The following CDKAL1 variants were observed in gnomAD, a reference collection of about 807,000 sequenced individuals.
CDKAL1 encodes the protein threonylcarbamoyladenosine tRNA methylthiotransferase.
A neutral mutation model predicts 68.2 loss-of-function variants in CDKAL1; 32 were observed. The observed-to-expected ratio is 0.47, with a 90% confidence interval of 0.35 to 0.63. The LOEUF is 0.63. Among genes scored for constraint, CDKAL1 ranks in the 30% least tolerant of loss-of-function variants. The pLI is 0.00. For synonymous variants in CDKAL1, 234 were observed against 244.3 expected (o/e 0.96, Z 0.39); for missense variants, 606 against 696.7 (o/e 0.87, Z 1.47).
intron 13 of CDKAL1, among the ~76,000 whole-genome samples, chr6:21,186,344 G>A (rs746297324): frequency 2.6e-5 from 4 of 152,124 alleles, no homozygotes; most frequent in Non-Finnish European, 5.9e-5. Context: ...GGGAATGTAA[G>A]ATTTATCTTA....
chr6:20,831,001 A>G (rs1777694452), intron 8 of CDKAL1, among the ~76,000 whole-genome samples: 2 of 151,968 alleles, frequency 1.3e-5, no homozygotes, highest in African/African-American at 4.8e-5. Context: ...GAAGCCTAAC[A>G]GATTGTCTGC....
chr6:21,095,059 A>G (rs1196612330), intron 12 of CDKAL1, among the ~76,000 whole-genome samples: 1 of 152,178 alleles, frequency 6.6e-6, no homozygotes, highest in Non-Finnish European at 1.5e-5. Context: ...AGTATACGCA[A>G]TAAGTGGATG....
intron 13 of CDKAL1, among the ~76,000 whole-genome samples, chr6:21,185,706 A>G (rs988850301): frequency 1.3e-5 from 2 of 152,174 alleles, no homozygotes; most frequent in African/African-American, 4.8e-5. Context: ...TAGAATTTCA[A>G]TTTGGCTTCA....
intron 4 of CDKAL1, among the ~76,000 whole-genome samples, chr6:20,630,828 ATTTCTG>A (rs1290070911): frequency 6.6e-6 from 1 of 152,028 alleles, no homozygotes; most frequent in South Asian, 2.1e-4. Context: ...ATCTCTTTCT[ATTTCTG>A]TTTCCGCATC....
At chr6:21,082,981 C>A (rs1287899530) in intron 12 of CDKAL1, among the ~76,000 whole-genome samples, 1 of 148,486 alleles carries the variant, frequency 6.7e-6, no homozygotes, top group East Asian at 2.0e-4. Flanking sequence ...TCATACAGTT[C>A]TCCCACCTCA....
chr6:20,884,366 G>A (rs1760966904), intron 9 of CDKAL1, among the ~76,000 whole-genome samples: 1 of 152,104 alleles, frequency 6.6e-6, no homozygotes, highest in African/African-American at 2.4e-5. Flanking sequence ...ACATGTTAAA[G>A]GACATTTCTG....
intron 11 of CDKAL1, among the ~76,000 whole-genome samples, chr6:21,048,531 A>G (rs951067178): frequency 4.6e-5 from 7 of 152,108 alleles, no homozygotes; most frequent in African/African-American, 1.4e-4. Context: ...TCCAATTTGT[A>G]TATATCCCTA....
intron 10 of CDKAL1, among the ~76,000 whole-genome samples, chr6:20,957,881 G>A (rs1299383489): frequency 1.3e-5 from 2 of 148,240 alleles, no homozygotes; most frequent in African/African-American, 5.0e-5. Flanking sequence ...TGAGGCAGGA[G>A]AATCGCTTGA....
intron 4 of CDKAL1, among the ~76,000 whole-genome samples, chr6:20,596,475 G>A (rs371681419): frequency 7.2e-5 from 11 of 152,132 alleles, no homozygotes; most frequent in South Asian, 2.1e-4. Flanking sequence ...GGGGAAAACC[G>A]CCTACTCAAG....
intron 5 of CDKAL1, among the ~76,000 whole-genome samples, chr6:20,735,605 G>T (rs1773156663): frequency 6.6e-6 from 1 of 152,146 alleles, no homozygotes; most frequent in South Asian, 2.1e-4. Flanking sequence ...CATATCAATG[G>T]TATAGTGTGT....
chr6:20,867,187 ATC>A (rs1383459504), intron 9 of CDKAL1, among the ~76,000 whole-genome samples: 2 of 152,170 alleles, frequency 1.3e-5, no homozygotes, highest in Non-Finnish European at 2.9e-5. Context: ...CGGCATTTGT[ATC>A]TCAGTGTAAT....
intron 13 of CDKAL1, among the ~76,000 whole-genome samples, chr6:21,113,977 A>G (rs895126940): frequency 4.6e-5 from 7 of 151,324 alleles, no homozygotes; most frequent in Non-Finnish European, 8.9e-5. Flanking sequence ...GGCCGGGCGC[A>G]GTGGCTCACG....
chr6:20,971,377 G>A (rs193101726), intron 10 of CDKAL1, among the ~76,000 whole-genome samples: 24 of 152,316 alleles, frequency 1.6e-4, no homozygotes, highest in African/African-American at 5.8e-4. Context: ...CACATCAGGT[G>A]ATTGGACATT....
chr6:20,878,656 C>T (rs900995425), intron 9 of CDKAL1, among the ~76,000 whole-genome samples: 6 of 151,488 alleles, frequency 4.0e-5, no homozygotes, highest in Non-Finnish European at 8.8e-5. Flanking sequence ...CGCTTGAACT[C>T]GGGGAGTGGG....
chr6:20,831,165 CA>C (rs200231748), intron 8 of CDKAL1, among the ~76,000 whole-genome samples: 2,201 of 152,244 alleles, frequency 0.014, 23 homozygotes, highest in Non-Finnish European at 0.02. Flanking sequence ...ACAATCAATA[CA>C]TTTTTGCCAA....
intron 11 of CDKAL1, among the ~76,000 whole-genome samples, chr6:21,024,069 A>G (rs1768824870): frequency 6.6e-6 from 1 of 152,226 alleles, no homozygotes; most frequent in Non-Finnish European, 1.5e-5. Flanking sequence ...AGATTTTGGC[A>G]ATTATATTTT....
At chr6:20,544,526 G>A (rs960336562) in intron 2 of CDKAL1, among the ~76,000 whole-genome samples, 10 of 148,146 alleles carry the variant, frequency 6.8e-5, no homozygotes, top group African/African-American at 2.5e-4. Context: ...AACCCAGGAG[G>A]CGGAGCTTGC....
At chr6:20,673,264 T>G (rs1168534724) in intron 5 of CDKAL1, among the ~76,000 whole-genome samples, 1 of 147,068 alleles carries the variant, frequency 6.8e-6, no homozygotes, top group Non-Finnish European at 1.5e-5. Flanking sequence ...TGTGGGGGAT[T>G]GGTCCAGGAT....
At chr6:20,783,844 C>T (rs995273875) in intron 8 of CDKAL1, among the ~76,000 whole-genome samples, 15 of 152,124 alleles carry the variant, frequency 9.9e-5, no homozygotes, top group African/African-American at 3.4e-4. Flanking sequence ...ACAATTGTCC[C>T]TCGGTATCTG....
Sources: allele counts gnomAD v4.1 joint callset (sites outside exome capture counted in the v4.1 genomes callset), GRCh38; gene constraint gnomAD v4.1.1; transcripts MANE v1.5; gene names NCBI Gene and HGNC (gene_info 2026-07-23, HGNC 2026-07-21).